KNL1: variants seen among roughly 807,000 people sequenced by gnomAD.
The protein encoded by KNL1 is outer kinetochore KNL1 complex subunit KNL1.
KNL1 carries 66 observed loss-of-function variants against 201.3 expected under a neutral mutation model. The ratio of observed to expected loss-of-function variants is 0.33; its 90% CI spans 0.27 to 0.40. The LOEUF (loss-of-function observed/expected upper bound fraction) is 0.40, where lower values mean the gene tolerates loss of function less well. Ranked by LOEUF, KNL1 falls within the 10% of genes least tolerant of loss-of-function variation. The pLI is 1.00. For synonymous variants in KNL1, 895 were observed against 899.2 expected (o/e 1.00, Z 0.08); for missense variants, 2,815 against 2,690.5 (o/e 1.05, Z -1.02).
chr15:40,603,858 T>C (rs527623454), intron 2 of KNL1, among the ~76,000 whole-genome samples: 12 of 152,298 alleles, frequency 7.9e-5, no homozygotes, highest in African/African-American at 2.6e-4. Context: ...TATATGCAAA[T>C]TAAGAGGTGT....
intron 11 of KNL1, 88 bp downstream of exon 11, chr15:40,628,296 G>A: frequency 1.5e-6 from 2 of 1,333,096 alleles, no homozygotes; most frequent in Non-Finnish European, 2.0e-6. Context: ...ATATTTGAAT[G>A]TTGTATATGC....
rs1043046232 is a variant in KNL1 at position 40,662,334 on chromosome 15, A to G, written c.*146A>G. ...GTTATAGTTAATCTGTATGTTTTTT[A>G]TATCTCTGCAGAATGATGGTGATGA... On this transcript the variant is annotated 3_prime_UTR_variant, in exon 26 of 26. Transcript: ENST00000399668. 1.7e-5 allele frequency: 10 copies of G among 588,288 alleles called. No homozygotes were observed. Among genetic ancestry groups the G allele is most frequent in the Admixed American group, 3.1e-5 (1 of 32,736 alleles). The allele number at this position is 588,288 out of a possible 1,614,324, so 36.4% of individuals were successfully genotyped here.
At chr15:40,619,563 A>G (rs1892449396) in intron 9 of KNL1, among the ~76,000 whole-genome samples, 1 of 151,646 alleles carries the variant, frequency 6.6e-6, no homozygotes, top group Admixed American at 6.6e-5. Context: ...CACCATGCCT[A>G]GCTAATTTTG....
rs766563552 is a variant in KNL1 at position 40,625,455 on chromosome 15, A to G, written c.5191A>G (p.Ile1731Val). 5 of 1,614,024 alleles carry G rather than the reference A, an allele frequency of 3.1e-6. No homozygotes were observed. Among genetic ancestry groups the G allele is most frequent in the Non-Finnish European group, 4.2e-6 (5 of 1,179,978 alleles). Reference protein sequence around the residue: ...DEINSSDSINIETEEKALIET... With the variant: ...DEINSSDSINVETEEKALIET... ...GATCAATTCTTCAGACTCTATTAAC[A>G]TAGAAACTGAGGAAAAGGCCTTGAT... The change falls in exon 10 of 26, where the codon ATA becomes GTA. Residue 1731 changes from isoleucine (I) to valine (V), a missense_variant. Around this residue, in one of 3 missense-constraint regions of KNL1, gnomAD observed 2,464 missense variants for 2,291.7 expected, o/e 1.08. Coordinates refer to ENST00000399668, the MANE Select transcript of KNL1 (RefSeq NM_144508.5).
rs1893212929 is a variant in KNL1 at position 40,641,024 on chromosome 15, A to G, written c.5795A>G (p.Glu1932Gly). The change falls in exon 14 of 26, where the codon GAA (glutamate) becomes GGA (glycine). Residue 1932 changes from glutamate (E) to glycine (G), a missense_variant. This residue lies in a region of KNL1 where 2,464 missense variants were observed against 2,291.7 expected (regional missense o/e 1.08). Coordinates refer to ENST00000399668, the MANE Select transcript of KNL1 (RefSeq NM_144508.5). ...EDCEARRQKI[E>G]ELKLSASNQD... Reference sequence around the variant, plus strand: ...TGTGAGGCTCGTCGCCAAAAGATTGAAGAGTATGAAAGCTTTAATTTTTAT... The same window carrying G: ...TGTGAGGCTCGTCGCCAAAAGATTGGAGAGTATGAAAGCTTTAATTTTTAT... The G allele has an allele frequency of 1.3e-6, 2 of 1,583,584 alleles. No individual in the cohort carries two copies. Among genetic ancestry groups the G allele is most frequent in the Non-Finnish European group, 1.7e-6 (2 of 1,155,428 alleles).
At chr15:40,645,144 A>T in intron 15 of KNL1, 57 bp downstream of exon 15, 1 of 1,166,258 alleles carries the variant, frequency 8.6e-7, no homozygotes, top group East Asian at 2.4e-5. Flanking sequence ...AACGATGTTT[A>T]TTGTGAAATG....
intron 1 of KNL1, among the ~76,000 whole-genome samples, chr15:40,602,478 TC>T (rs1287138685): frequency 6.0e-5 from 7 of 116,926 alleles, no homozygotes; most frequent in African/African-American, 1.9e-4. Flanking sequence ...TTTTTTTCCT[TC>T]CTTTTTTTTT....
intron 6 of KNL1, among the ~76,000 whole-genome samples, 184 bp from the exon 7 acceptor site, chr15:40,611,294 A>G (rs1453118929): frequency 1.3e-5 from 2 of 151,924 alleles, no homozygotes; most frequent in African/African-American, 4.8e-5. Context: ...TTTTTAGTAG[A>G]GACAGGGTTT....
intron 1 of KNL1, among the ~76,000 whole-genome samples, chr15:40,598,576 C>A (rs574247287): frequency 6.6e-6 from 1 of 151,762 alleles, no homozygotes; most frequent in Non-Finnish European, 1.5e-5. Flanking sequence ...CTCCCTGCCC[C>A]CTCCGGCCCC....
At position 40,651,492 on chromosome 15, in the gene KNL1, A is replaced by G; in HGVS notation, c.6234A>G (p.Val2078=). ...GCAGAAATCTCTTAGAACTGGAGGT[A>G]CAAAAAGAGCAGACCCTTGCTCAAA... ...ELQRNLLELE[V]QKEQTLAQID... Residue 2078 remains valine, a synonymous_variant, in exon 20 of 26, where the codon GTA becomes GTG. Coordinates refer to ENST00000399668, the MANE Select transcript of KNL1 (RefSeq NM_144508.5). 6.2e-7 allele frequency: 1 copy of G among 1,606,906 alleles called. No homozygotes were observed. The highest frequency in any genetic ancestry group is 8.5e-7 in the Non-Finnish European group (1 of 1,177,698).
intron 1 of KNL1, among the ~76,000 whole-genome samples, chr15:40,596,341 A>G (rs1359983121): frequency 2.0e-5 from 3 of 152,136 alleles, no homozygotes; most frequent in African/African-American, 7.2e-5. Flanking sequence ...CAGTGGTGCT[A>G]TCTTGGCTCA....
intron 22 of KNL1, among the ~76,000 whole-genome samples, chr15:40,655,895 G>A (rs1363221952): frequency 1.4e-5 from 2 of 143,822 alleles, no homozygotes; most frequent in African/African-American, 2.6e-5. Flanking sequence ...CAGCCTGGGC[G>A]ACAAAATGAG....
In KNL1 at chr15:40,662,616, G is replaced by C. The variant is rs960459423; in HGVS notation, c.*428G>C. On this transcript the variant is annotated 3_prime_UTR_variant, in exon 26 of 26. Coordinates refer to ENST00000399668, the MANE Select transcript of KNL1 (RefSeq NM_144508.5). The stretch of plus-strand genomic sequence containing the variant: ...TAGCAGATATTTCTGGAGTAGAAAT[G>C]TATCTGTCTACAAACTATTATCCTT... The C allele has an allele frequency of 1.5e-5, 3 of 204,018 alleles. No individual in the cohort carries two copies. Among genetic ancestry groups the C allele is most frequent in the African/African-American group, 6.9e-5 (3 of 43,664 alleles). 12.6% of individuals were successfully genotyped at this position (204,018 alleles called of 1,614,324 possible).
intron 25 of KNL1, 53 bp from the exon 26 acceptor site, chr15:40,662,020 CA>C: frequency 9.9e-7 from 1 of 1,013,056 alleles, no homozygotes; most frequent in Non-Finnish European, 1.5e-6. Context: ...GCCTGGGCGA[CA>C]GAGCGAGACT....
Position 40,663,667 on chromosome 15 carries a change from A to AT in KNL1, c.*1480dup. 5.1e-6 allele frequency: 1 copy of AT among 195,790 alleles called. No homozygotes were observed. The highest frequency in any genetic ancestry group is 2.3e-5 in the African/African-American group (1 of 43,346). The allele number at this position is 195,790 out of a possible 1,614,324, so 12.1% of individuals were successfully genotyped here. A position where few individuals can be genotyped will look rare whatever the true frequency, so the allele number is the denominator to read the frequency against. ...GCTGTAAGTATTGTTTTCTGATGCC[A>AT]TACCCTTGTCATACATATTATTAAA... is the stretch of plus-strand genomic sequence containing the variant. On this transcript the variant is annotated 3_prime_UTR_variant, in exon 26 of 26. Coordinates refer to ENST00000399668, the MANE Select transcript of KNL1 (RefSeq NM_144508.5).
At chr15:40,653,593 T>C (rs1396479818) in intron 21 of KNL1, among the ~76,000 whole-genome samples, 1 of 152,224 alleles carries the variant, frequency 6.6e-6, no homozygotes, top group Non-Finnish European at 1.5e-5. Context: ...CTGGACTTTA[T>C]GGATCTTCTC....
chr15:40,622,100 T>C lies in KNL1; in HGVS notation c.1836T>C (p.Cys612=). The C allele has an allele frequency of 1.9e-6, 3 of 1,614,072 alleles. No individual in the cohort carries two copies. Among genetic ancestry groups the C allele is most frequent in the Non-Finnish European group, 2.5e-6 (3 of 1,179,968 alleles). Residue 612 remains cysteine, a synonymous_variant, in exon 10 of 26, where the codon TGT becomes TGC. Coordinates refer to ENST00000399668, the MANE Select transcript of KNL1 (RefSeq NM_144508.5). ...HSQSKSSSDE[C]EEITKSRNEP... is the part of the protein sequence containing the mutation. ...AGAGCAAAAGCTCTTCAGATGAATG[T>C]GAAGAAATTACCAAAAGTCGTAATG...
At position 40,620,771 on chromosome 15, in the gene KNL1, C is replaced by T. The variant is rs1211414211; in HGVS notation, c.507C>T (p.Pro169=). 3 of 1,613,132 alleles carry T rather than the reference C, an allele frequency of 1.9e-6. No individual in the cohort carries two copies. Among genetic ancestry groups the T allele is most frequent in the South Asian group, 2.2e-5 (2 of 90,998 alleles). ...TTACCAAAGGCCTTTTAGATAATCC[C>T]ATAAGTGAAAAGTCCACCAAGATAG... The part of the protein sequence containing the change: ...VMITKGLLDN[P]ISEKSTKIDT... Residue 169 remains proline, a synonymous_variant, in exon 10 of 26, where the codon CCC becomes CCT. Transcript: ENST00000399668.
At chr15:40,607,284 C>G (rs1892007421) in intron 4 of KNL1, among the ~76,000 whole-genome samples, 1 of 152,208 alleles carries the variant, frequency 6.6e-6, no homozygotes, top group South Asian at 2.1e-4. Flanking sequence ...GTGTGAAAAC[C>G]CAATCACACT....
Sources: gnomAD v4.1 joint callset for allele counts (sites outside exome capture counted in the v4.1 genomes callset) on GRCh38, gnomAD v4.1.1 for gene constraint, gnomAD v4.1.1 regional missense constraint, MANE v1.5 for transcripts, NCBI Gene and HGNC (gene_info 2026-07-23, HGNC 2026-07-21) for gene names.